The following SLC5A1 variants were observed in gnomAD, a reference collection of about 807,000 sequenced individuals.
SLC5A1 encodes the protein solute carrier family 5 member 1, also known as sodium/glucose cotransporter 1.
Under a neutral mutation model 73.5 loss-of-function variants are expected in SLC5A1, and 42 were observed. The observed-to-expected ratio is 0.57, with a 90% confidence interval of 0.45 to 0.74. The LOEUF is 0.74. Among genes scored for constraint, SLC5A1 ranks in the 30% least tolerant of loss-of-function variants. The pLI is 0.00. For synonymous variants in SLC5A1, 300 were observed against 317.4 expected, an observed-to-expected ratio of 0.95 and a Z score of 0.58; for missense variants, 634 against 855.4, an observed-to-expected ratio of 0.74 and a Z score of 3.23.
At position 32,091,727 on chromosome 22, in the gene SLC5A1, G is replaced by C. The variant is rs200577192; in HGVS notation, c.1245G>C (p.Lys415Asn). ...TGGACATCTACGCCAAGGTCCGCAAGAGAGCATCTGAGAAAGAGCTCATGA... is the reference window on the plus strand; with the variant it reads ...TGGACATCTACGCCAAGGTCCGCAACAGAGCATCTGAGAAAGAGCTCATGA... ...FTMDIYAKVR[K>N]RASEKELMIA... Residue 415 changes from lysine (K) to asparagine (N), a missense_variant, in exon 11 of 15, where the codon AAG becomes AAC. Lys to Asn is a moderately conservative substitution (Grantham distance 94, BLOSUM62 0). This residue lies in a region of SLC5A1 where 422 missense variants were observed against 626.1 expected (regional missense o/e 0.67). Coordinates refer to ENST00000266088, the MANE Select transcript of SLC5A1 (RefSeq NM_000343.4). The C allele has an allele frequency of 7.4e-6, 12 of 1,613,878 alleles. No individual in the cohort carries two copies. The highest frequency in any genetic ancestry group is 2.2e-5 in the East Asian group (1 of 44,870).
intron 13 of SLC5A1, among the ~76,000 whole-genome samples, chr22:32,103,370 C>A (rs1369654665): frequency 6.6e-6 from 1 of 152,224 alleles, no homozygotes; most frequent in African/African-American, 2.4e-5. Context: ...AATTATACAT[C>A]TTATATTCAC....
At chr22:32,075,463 C>T (rs2093989405) in intron 5 of SLC5A1, among the ~76,000 whole-genome samples, 1 of 152,070 alleles carries the variant, frequency 6.6e-6, no homozygotes, top group Admixed American at 6.5e-5. Flanking sequence ...AACTGAGGTC[C>T]AGACAGGGGA....
At position 32,066,924 on chromosome 22, in the gene SLC5A1, T is replaced by C. The variant is rs1320455248; in HGVS notation, c.208-11T>C. On this transcript the variant is annotated splice_polypyrimidine_tract_variant and intron_variant, in intron 2 of 14. Coordinates refer to ENST00000266088, the MANE Select transcript of SLC5A1 (RefSeq NM_000343.4). ...ACAGAGCCCTCACCTGACTTTCTTTTGCGTTTCCAGATTGGAGCCTCCCTC... is the reference window on the plus strand; with the variant it reads ...ACAGAGCCCTCACCTGACTTTCTTTCGCGTTTCCAGATTGGAGCCTCCCTC... 6.2e-7 allele frequency: 1 copy of C among 1,606,130 alleles called. No homozygotes were observed. Among genetic ancestry groups the C allele is most frequent in the South Asian group, 1.1e-5 (1 of 90,892 alleles).
In SLC5A1 at chr22:32,110,180, C is replaced by T. The variant is rs140185056; in HGVS notation, c.1962C>T (p.Thr654=). The T allele has an allele frequency of 3.7e-5, 60 of 1,613,866 alleles. No homozygotes were observed. In the South Asian group the frequency reaches 3.7e-4, roughly 10 times the overall value. ...ACGTCAATGGCATCATCCTGGTGAC[C>T]GTGGCTGTCTTTTGCCATGCATATT... The part of the protein sequence containing the change: ...VLNVNGIILV[T]VAVFCHAYFA The change falls in exon 15 of 15, where the codon ACC becomes ACT. Residue 654 remains threonine, a synonymous_variant. Coordinates refer to ENST00000266088, the MANE Select transcript of SLC5A1 (RefSeq NM_000343.4).
chr22:32,095,272 C>T (rs1291859719), intron 11 of SLC5A1, among the ~76,000 whole-genome samples: 1 of 152,044 alleles, frequency 6.6e-6, no homozygotes, highest in Non-Finnish European at 1.5e-5. Context: ...ATATAGTCTA[C>T]CTTGGAGAAT....
chr22:32,055,012 A>G (rs1447124037), intron 2 of SLC5A1, among the ~76,000 whole-genome samples: 2 of 152,032 alleles, frequency 1.3e-5, no homozygotes, highest in Admixed American at 6.6e-5. Context: ...TGAGTGAGTG[A>G]CCCTGAATTG....
rs1350312858 is a variant in SLC5A1 at position 32,111,717 on chromosome 22, G to A, written c.*1504G>A. 6.6e-6 allele frequency: 1 copy of A among 152,186 alleles called. No individual in the cohort carries two copies. Among genetic ancestry groups the A allele is most frequent in the African/African-American group, 2.4e-5 (1 of 41,434 alleles). 9.4% of individuals were successfully genotyped at this position (152,186 alleles called of 1,614,324 possible). A position where few individuals can be genotyped will look rare whatever the true frequency, so the allele number is the denominator to read the frequency against. On this transcript the variant is annotated 3_prime_UTR_variant, in exon 15 of 15. Coordinates refer to ENST00000266088, the MANE Select transcript of SLC5A1 (RefSeq NM_000343.4). The stretch of plus-strand genomic sequence containing the variant: ...AATGGGAATGCATTTGTTGCTCCCA[G>A]GACCCTGGCACCTTGACTCTGGTAC...
chr22:32,053,191 G>A (rs2149484078), intron 2 of SLC5A1, among the ~76,000 whole-genome samples: 2 of 152,248 alleles, frequency 1.3e-5, no homozygotes, highest in Admixed American at 1.3e-4. Flanking sequence ...TTCCCCATTG[G>A]TATATTTTGG....
intron 2 of SLC5A1, among the ~76,000 whole-genome samples, chr22:32,060,160 C>T (rs201119277): frequency 0.45 from 60,103 of 134,010 alleles, 14,918 homozygotes; most frequent in East Asian, 0.81. Context: ...CACACACACA[C>T]ACACACACAC....
intron 2 of SLC5A1, among the ~76,000 whole-genome samples, chr22:32,051,534 T>C (rs911514720): frequency 1.3e-5 from 2 of 152,164 alleles, no homozygotes; most frequent in Non-Finnish European, 2.9e-5. Context: ...TGTGCACCTG[T>C]AGTCCTAGCT....
At chr22:32,052,991 GT>G (rs903366754) in intron 2 of SLC5A1, among the ~76,000 whole-genome samples, 53 of 152,122 alleles carry the variant, frequency 3.5e-4, no homozygotes, top group Middle Eastern at 3.2e-3. Context: ...CCAAATTTCT[GT>G]TTTTATGCAT....
Position 32,043,404 on chromosome 22 carries a change from C to A in SLC5A1, c.123C>A (p.Ala41=). Residue 41 remains alanine, a synonymous_variant, in exon 1 of 15, where the codon GCC becomes GCA. Coordinates refer to ENST00000266088, the MANE Select transcript of SLC5A1 (RefSeq NM_000343.4). This position sits in a 1 kb window ranked among gnomAD's most constrained non-coding sequence, Gnocchi z 6.5. ...TTATCTACTTCGTGGTAGTGATGGC[C>A]GTCGGACTGTGGGTATGCAGCGGGT... ...IIVIYFVVVM[A]VGLWAMFSTN... 6.2e-7 allele frequency: 1 copy of A among 1,613,896 alleles called. No homozygotes were observed. Among genetic ancestry groups the A allele is most frequent in the Admixed American group, 1.7e-5 (1 of 60,006 alleles).
At chr22:32,099,002 T>C (rs1435079891) in intron 11 of SLC5A1, among the ~76,000 whole-genome samples, 181 bp from the exon 12 acceptor site, 1 of 145,158 alleles carries the variant, frequency 6.9e-6, no homozygotes, top group Non-Finnish European at 1.5e-5. Context: ...AGGAGAATGG[T>C]GTGAATCCGG....
chr22:32,063,714 C>T (rs143640348), intron 2 of SLC5A1, among the ~76,000 whole-genome samples: 1,532 of 152,218 alleles, frequency 0.01, 5 homozygotes, highest in Non-Finnish European at 0.014. Context: ...GATCCTCTAG[C>T]AGCCCGCTAC....
chr22:32,049,543 G>A (rs1462612402), intron 1 of SLC5A1, among the ~76,000 whole-genome samples: 1 of 148,494 alleles, frequency 6.7e-6, no homozygotes, highest in African/African-American at 2.5e-5. Flanking sequence ...CCATGTGGCT[G>A]TAATCCCAGC....
At chr22:32,091,587 C>A in intron 10 of SLC5A1, 25 bp from the exon 11 acceptor site, 1 of 1,613,680 alleles carries the variant, frequency 6.2e-7, no homozygotes, top group African/African-American at 1.3e-5. Context: ...CTGTTATGTG[C>A]CACTCAAAAA....
intron 5 of SLC5A1, among the ~76,000 whole-genome samples, chr22:32,069,430 C>T (rs1054243198): frequency 6.6e-6 from 1 of 151,814 alleles, no homozygotes; most frequent in Non-Finnish European, 1.5e-5. Flanking sequence ...GTAGTGTGTG[C>T]CTGTAGTCCC....
Position 32,102,163 on chromosome 22 carries a change from A to T in SLC5A1, c.1591A>T (p.Ile531Phe), listed in dbSNP as rs528745739. The change falls in exon 13 of 15, where the codon ATT becomes TTT. Residue 531 changes from isoleucine to phenylalanine, a missense_variant. Coordinates refer to ENST00000266088, the MANE Select transcript of SLC5A1 (RefSeq NM_000343.4). ...TGGGGTGCACTACTTGTACTTTGCC[A>T]TTATCCTCTTCGCCATTTCTTTCAT... ...ICGVHYLYFA[I>F]ILFAISFITI... The T allele has an allele frequency of 6.2e-7, 1 of 1,614,024 alleles. No homozygotes were observed. The highest frequency in any genetic ancestry group is 2.2e-5 in the East Asian group (1 of 44,874).
intron 13 of SLC5A1, among the ~76,000 whole-genome samples, chr22:32,104,085 C>T (rs2094040910): frequency 6.6e-6 from 1 of 152,190 alleles, no homozygotes; most frequent in South Asian, 2.1e-4. Context: ...CCTTCAACTT[C>T]ATTGCCAAAT....
Sources: allele counts gnomAD v4.1 joint callset (sites outside exome capture counted in the v4.1 genomes callset), GRCh38; gene constraint gnomAD v4.1.1; regional missense constraint gnomAD v4.1.1; non-coding constraint Gnocchi (gnomAD v3.1); transcripts MANE v1.5; gene names NCBI Gene and HGNC (gene_info 2026-07-23, HGNC 2026-07-21).